ADGRF1: variants seen among roughly 807,000 people sequenced by gnomAD.
ADGRF1 encodes the protein adhesion G protein-coupled receptor F1.
In ADGRF1, 85 loss-of-function variants were observed where a neutral mutation model predicts 87.2. That is an observed-to-expected ratio of 0.97 (90% CI 0.82 to 1.17). The LOEUF (loss-of-function observed/expected upper bound fraction) is 1.17, where lower values mean the gene tolerates loss of function less well. Ranked by LOEUF, ADGRF1 falls within the 50% of genes most tolerant of loss-of-function variation. The pLI, the probability that ADGRF1 is intolerant of heterozygous loss-of-function variation, is 0.00. For missense variants in ADGRF1, 1,169 were observed against 1,077.2 expected (o/e 1.09, Z -1.19); for synonymous variants, 430 against 408.8 (o/e 1.05, Z -0.63).
intron 7 of ADGRF1, chr6:47,018,511 C>T: frequency 7.8e-7 from 1 of 1,289,706 alleles, no homozygotes; most frequent in Non-Finnish European, 1.0e-6. Flanking sequence ...CTATTGATTA[C>T]AGAGTATTTT....
At chr6:47,027,427 T>C (rs1561878515) in intron 3 of ADGRF1, among the ~76,000 whole-genome samples, 1 of 152,240 alleles carries the variant, frequency 6.6e-6, no homozygotes. Context: ...ACTGGGGCTA[T>C]GGCCATTAAT....
At chr6:47,018,530 T>C (rs1385172421) in intron 7 of ADGRF1, 1 of 1,289,600 alleles carries the variant, frequency 7.8e-7, no homozygotes, top group Admixed American at 2.3e-5. Flanking sequence ...TTCCTGCTTG[T>C]TATAGGTTTG....
chr6:47,023,519 T>C (rs898581856), intron 5 of ADGRF1, among the ~76,000 whole-genome samples: 4 of 152,170 alleles, frequency 2.6e-5, no homozygotes, highest in African/African-American at 4.8e-5. Context: ...TAACCATAGC[T>C]CCCTCAGCTT....
At chr6:47,026,835 C>G (rs1273414024) in intron 3 of ADGRF1, among the ~76,000 whole-genome samples, 1 of 152,152 alleles carries the variant, frequency 6.6e-6, no homozygotes, top group African/African-American at 2.4e-5. Context: ...ATTGGAAGTC[C>G]CCTCTGAGTG....
At position 46,999,031 on chromosome 6, in the gene ADGRF1, C is replaced by T. The variant is rs1779285901; in HGVS notation, c.*1191G>A. The T allele has an allele frequency of 6.6e-6, 1 of 152,218 alleles. No individual in the cohort carries two copies. Among genetic ancestry groups the T allele is most frequent in the Non-Finnish European group, 1.5e-5 (1 of 68,064 alleles). 9.4% of individuals were successfully genotyped at this position (152,218 alleles called of 1,614,324 possible). ...AGGAGGCTAAGAGACACTCCCTAGG[C>T]CTCTCAAAACAGCAAGGATGAATCA... is the stretch of plus-strand genomic sequence containing the variant. On this transcript the variant is annotated 3_prime_UTR_variant, in exon 15 of 15. Transcript: ENST00000371253.
chr6:47,010,082 C>T lies in ADGRF1; in HGVS notation c.1353G>A (p.Met451Ile). 1.2e-6 allele frequency: 2 copies of T among 1,614,130 alleles called. No homozygotes were observed. The highest frequency in any genetic ancestry group is 2.2e-5 in the East Asian group (1 of 44,860). The change falls in exon 11 of 15, where the codon ATG (methionine) becomes ATA (isoleucine). Residue 451 changes from methionine to isoleucine, a missense_variant. Transcript: ENST00000371253. The part of the protein sequence containing the change: ...LKRGYSYQIK[M>I]CPQNTSIPIR... ...TGGGAATAGATGTATTTTGGGGACACATTTTAATCTGATAGCTGTAACCCC... is the reference window on the plus strand; with the variant it reads ...TGGGAATAGATGTATTTTGGGGACATATTTTAATCTGATAGCTGTAACCCC...
At chr6:47,033,168 T>C (rs991283971) in intron 1 of ADGRF1, among the ~76,000 whole-genome samples, 1 of 152,224 alleles carries the variant, frequency 6.6e-6, no homozygotes. Flanking sequence ...GGGCCAGTGA[T>C]GCCTGAGCTG....
intron 5 of ADGRF1, among the ~76,000 whole-genome samples, chr6:47,023,043 G>C (rs1255845486): frequency 6.6e-6 from 1 of 151,958 alleles, no homozygotes; most frequent in Admixed American, 6.6e-5. Context: ...AACTCCTCCT[G>C]AGCTCAAGCA....
chr6:47,004,430 AG>A (rs1355035733), intron 13 of ADGRF1, among the ~76,000 whole-genome samples: 1 of 152,250 alleles, frequency 6.6e-6, no homozygotes, highest in Non-Finnish European at 1.5e-5. Context: ...GTACAAATAC[AG>A]ACACTGCCTT....
At chr6:47,040,326 G>A (rs1186987759) in intron 1 of ADGRF1, among the ~76,000 whole-genome samples, 1 of 152,044 alleles carries the variant, frequency 6.6e-6, no homozygotes, top group East Asian at 1.9e-4. Flanking sequence ...CAAAAAATTA[G>A]CCAGGCATGG....
At chr6:47,014,382 A>G in intron 9 of ADGRF1, 1 of 1,067,960 alleles carries the variant, frequency 9.4e-7, no homozygotes, top group Non-Finnish European at 1.1e-6. Context: ...AGGCCAGCTT[A>G]GTTGCTGCTC....
At chr6:47,028,456 G>A (rs1780309196) in intron 2 of ADGRF1, among the ~76,000 whole-genome samples, 1 of 152,220 alleles carries the variant, frequency 6.6e-6, no homozygotes, top group Non-Finnish European at 1.5e-5. Context: ...AGAAGGATTG[G>A]GTTCGATTTT....
chr6:47,024,001 G>A, intron 5 of ADGRF1, 43 bp downstream of exon 5: 1 of 1,557,424 alleles, frequency 6.4e-7, no homozygotes, highest in Non-Finnish European at 8.8e-7. Flanking sequence ...GTTGCATGTT[G>A]GGGTGGGAGA....
chr6:47,038,120 A>G (rs1370786259), intron 1 of ADGRF1, among the ~76,000 whole-genome samples: 1 of 152,186 alleles, frequency 6.6e-6, no homozygotes, highest in East Asian at 1.9e-4. Context: ...CTCAGCCTCC[A>G]GAAGTGCTGG....
chr6:47,001,500 C>A lies in ADGRF1; in HGVS notation c.2659+1G>T, dbSNP rs2113873223. 1 of 1,613,300 alleles carries A rather than the reference C, an allele frequency of 6.2e-7. No homozygotes were observed. The highest frequency in any genetic ancestry group is 8.5e-7 in the Non-Finnish European group (1 of 1,179,446). Reference sequence around the variant, plus strand: ...TAACCTTTGGTTTTATTGTAACTCACCTTTGTTTTGCAGTGGGTTGAAAGG... The same window carrying A: ...TAACCTTTGGTTTTATTGTAACTCAACTTTGTTTTGCAGTGGGTTGAAAGG... On this transcript the variant is annotated splice_donor_variant, in intron 14 of 14. Transcript: ENST00000371253. LOFTEE classifies it high-confidence loss of function.
In ADGRF1 at chr6:47,010,233, C is replaced by A; in HGVS notation, c.1202G>T (p.Ser401Ile). ...TTCTAATGTCTCTAGTAACCGTGAG[C>A]TGGCATACTTTTCTTCCCGCAGTAA... is the stretch of plus-strand genomic sequence containing the variant. Reference protein sequence around the residue: ...TVLLREEKYASSRLLETLENI... With the variant: ...TVLLREEKYAISRLLETLENI... Residue 401 changes from serine (S) to isoleucine (I), a missense_variant, in exon 11 of 15, where the codon AGC becomes ATC. Coordinates refer to ENST00000371253, the MANE Select transcript of ADGRF1 (RefSeq NM_153840.4). 1 of 1,613,978 alleles carries A rather than the reference C, an allele frequency of 6.2e-7. No homozygotes were observed. The highest frequency in any genetic ancestry group is 1.1e-5 in the South Asian group (1 of 91,070).
rs901693765 is a variant in ADGRF1 at position 47,013,470 on chromosome 6, C to G, written c.927+1211G>C. 6 of 985,356 alleles carry G rather than the reference C, an allele frequency of 6.1e-6. No homozygotes were observed. The African/African-American group carries it at 1.0e-4, about 17-fold the overall frequency. The allele number at this position is 985,356 out of a possible 1,614,324, so 61.0% of individuals were successfully genotyped here. On this transcript the variant is annotated intron_variant, in intron 9 of 14. Coordinates refer to ENST00000371253, the MANE Select transcript of ADGRF1 (RefSeq NM_153840.4). Reference sequence around the variant, plus strand: ...TCTACTGCAGCAGCAGAAGCAAGGTCTCTGGCTGGAATAGAAGTTCTGCTC... The same window carrying G: ...TCTACTGCAGCAGCAGAAGCAAGGTGTCTGGCTGGAATAGAAGTTCTGCTC...
intron 8 of ADGRF1, among the ~76,000 whole-genome samples, chr6:47,016,391 A>T (rs1019083020): frequency 2.6e-5 from 4 of 152,178 alleles, no homozygotes; most frequent in Non-Finnish European, 5.9e-5. Flanking sequence ...CACACTGTTT[A>T]CACTAAGAGG....
chr6:47,030,258 C>G (rs192644999), intron 1 of ADGRF1, among the ~76,000 whole-genome samples: 6 of 152,292 alleles, frequency 3.9e-5, no homozygotes. Context: ...TCTAGGGGAG[C>G]ATGAAAAATA....
Sources: gnomAD v4.1 joint callset for allele counts (sites outside exome capture counted in the v4.1 genomes callset) on GRCh38, gnomAD v4.1.1 for gene constraint, MANE v1.5 for transcripts, NCBI Gene and HGNC (gene_info 2026-07-23, HGNC 2026-07-21) for gene names.